Variants in MICAL3 observed in about 807,000 individuals in gnomAD.
The protein encoded by MICAL3 is [F-actin]-monooxygenase MICAL3.
Under a neutral mutation model 207.4 loss-of-function variants are expected in MICAL3, and 62 were observed. The ratio of observed to expected loss-of-function variants is 0.30; its 90% CI spans 0.24 to 0.37. The LOEUF is 0.37. MICAL3 is among the 10% of genes least tolerant of loss of function. MICAL3 has a pLI of 1.00. For synonymous variants in MICAL3, 1,077 were observed against 1,069.3 expected (o/e 1.01, Z -0.14); for missense variants, 2,368 against 2,635.6 (o/e 0.90, Z 2.22).
chr22:17,964,001 T>C (rs773756307), intron 1 of MICAL3, among the ~76,000 whole-genome samples: 20 of 152,228 alleles, frequency 1.3e-4, no homozygotes, highest in Non-Finnish European at 2.4e-4. Flanking sequence ...ACAACCATTA[T>C]TGGTTACCAA....
rs770235769 is a variant in MICAL3, at chr22:17,818,171, G to T, written c.4490C>A (p.Pro1497His). The T allele has an allele frequency of 1.3e-6, 2 of 1,592,308 alleles. No homozygotes were observed. Among genetic ancestry groups the T allele is most frequent in the Non-Finnish European group, 1.7e-6 (2 of 1,172,132 alleles). ...GGGGGGCTGAGCAGGCTCCCGGGGG[G>T]GCCGCATCCAGGTGGCGGGCAAGGG... The part of the protein sequence containing the change: ...PPPLPATWMR[P>H]PREPAQPPRE... Residue 1497 changes from proline (P) to histidine (H), a missense_variant, in exon 26 of 32, where the codon CCC becomes CAC. Pro to His is a moderately conservative substitution (Grantham distance 77, BLOSUM62 -2). Coordinates refer to ENST00000441493, the MANE Select transcript of MICAL3 (RefSeq NM_015241.3).
intron 1 of MICAL3, among the ~76,000 whole-genome samples, chr22:17,934,355 A>AC (rs199992870): frequency 0.027 from 4,164 of 152,260 alleles, 212 homozygotes; most frequent in African/African-American, 0.096. Context: ...AAAGACAAAA[A>AC]CCACAGGATT....
rs1932622757 is a variant in MICAL3, at chr22:17,917,724, C to T, written c.-74-10838G>A. 2.0e-5 allele frequency among the ~76,000 whole-genome samples: 3 copies of T among 152,322 alleles called. No individual in the cohort carries two copies. The South Asian group carries it at 6.2e-4, about 32-fold the overall frequency. On this transcript the variant is annotated intron_variant, in intron 1 of 31. Transcript: ENST00000441493. ...TCCTGCTCACCAAGGCCTCCCTGGGCGGGGCTGCCCTGGCCAGCCATGCAG... is the reference window on the plus strand; with the variant it reads ...TCCTGCTCACCAAGGCCTCCCTGGGTGGGGCTGCCCTGGCCAGCCATGCAG...
At chr22:17,861,795 A>G in intron 19 of MICAL3, 1 of 985,232 alleles carries the variant, frequency 1.0e-6, no homozygotes, top group Non-Finnish European at 1.2e-6. Context: ...TTACAAACAG[A>G]AATACTGTAA....
intron 15 of MICAL3, among the ~76,000 whole-genome samples, chr22:17,886,391 G>C (rs1340190226): frequency 6.6e-6 from 1 of 152,260 alleles, no homozygotes; most frequent in Non-Finnish European, 1.5e-5. Flanking sequence ...GAGAGGCCAG[G>C]CATGGTGGCT....
At chr22:17,994,707 G>A (rs1283612066) in intron 1 of MICAL3, among the ~76,000 whole-genome samples, 2 of 148,186 alleles carry the variant, frequency 1.3e-5, no homozygotes, top group East Asian at 4.1e-4. Flanking sequence ...GGGCCACAGA[G>A]TAAGACTCTG....
chr22:17,918,314 A>T (rs1932668608), intron 1 of MICAL3, among the ~76,000 whole-genome samples: 1 of 152,194 alleles, frequency 6.6e-6, no homozygotes, highest in Non-Finnish European at 1.5e-5. Context: ...AAGAGCTATC[A>T]ATATTTACTA....
chr22:17,866,604 A>AGAACG (rs2146146505), intron 17 of MICAL3, among the ~76,000 whole-genome samples: 1 of 141,362 alleles, frequency 7.1e-6, no homozygotes, highest in East Asian at 2.1e-4. Context: ...GGAACAGCAT[A>AGAACG]GAACAGAACA....
At chr22:17,877,163 GGAGGTT>G (rs1298586657) in intron 16 of MICAL3, among the ~76,000 whole-genome samples, 1 of 128,520 alleles carries the variant, frequency 7.8e-6, no homozygotes, top group Non-Finnish European at 1.7e-5. Context: ...GGGAGGTTAT[GGAGGTT>G]AGGGAGGTTA....
Position 17,817,739 on chromosome 22 carries a change from T to C in MICAL3, c.4922A>G (p.Gln1641Arg), listed in dbSNP as rs959247670. Reference sequence around the variant, plus strand: ...GGAGTCAGGCCGGCGCTCCTTGCCCTGGGAGGGTGCTGAGGACGCCTTGCG... The same window carrying C: ...GGAGTCAGGCCGGCGCTCCTTGCCCCGGGAGGGTGCTGAGGACGCCTTGCG... ...RPRKASSAPS[Q>R]GKERRPDSPT... The change falls in exon 26 of 32, where the codon CAG becomes CGG. Residue 1641 changes from glutamine (Q) to arginine (R), a missense_variant. Gln to Arg is a conservative substitution (Grantham distance 43, BLOSUM62 1). This residue lies in a region of MICAL3 where 1,770 missense variants were observed against 1,863.2 expected (regional missense o/e 0.95). Coordinates refer to ENST00000441493, the MANE Select transcript of MICAL3 (RefSeq NM_015241.3). The C allele has an allele frequency of 8.2e-6, 13 of 1,590,832 alleles. No homozygotes were observed. Among genetic ancestry groups the C allele is most frequent in the African/African-American group, 1.3e-5 (1 of 74,352 alleles).
At chr22:17,820,009 G>A (rs1462044962) in intron 25 of MICAL3, among the ~76,000 whole-genome samples, 1 of 147,824 alleles carries the variant, frequency 6.8e-6, no homozygotes, top group African/African-American at 2.5e-5. Context: ...GGCTCATGCT[G>A]TAATCCCAGC....
intron 20 of MICAL3, among the ~76,000 whole-genome samples, chr22:17,837,611 C>A (rs1923534886): frequency 6.6e-6 from 1 of 152,256 alleles, no homozygotes; most frequent in Non-Finnish European, 1.5e-5. Flanking sequence ...GAAAACAAAG[C>A]TGCTATTTCC....
intron 1 of MICAL3, among the ~76,000 whole-genome samples, chr22:17,938,667 CAG>C (rs1381394596): frequency 1.3e-5 from 2 of 152,132 alleles, no homozygotes; most frequent in Admixed American, 1.3e-4. Context: ...CTTTGATACC[CAG>C]AGTCTTAAAG....
intron 1 of MICAL3, among the ~76,000 whole-genome samples, chr22:17,953,142 C>T (rs1033327091): frequency 1.3e-5 from 2 of 152,174 alleles, no homozygotes; most frequent in East Asian, 3.8e-4. Context: ...TATCTTTCCT[C>T]GATCAGAGTG....
chr22:17,909,025 C>G (rs1164439098), intron 1 of MICAL3, among the ~76,000 whole-genome samples: 1 of 152,160 alleles, frequency 6.6e-6, no homozygotes, highest in Non-Finnish European at 1.5e-5. Context: ...TAAACCAAAC[C>G]AAATGAGATG....
At chr22:17,886,200 G>A (rs1039445146) in intron 15 of MICAL3, 149 bp from the exon 16 acceptor site, 1 of 806,868 alleles carries the variant, frequency 1.2e-6, no homozygotes, top group South Asian at 1.6e-5. Context: ...GAGACAGCAA[G>A]CCTGGAGGTA....
chr22:17,824,820 G>A lies in MICAL3; in HGVS notation c.3194-1760C>T, dbSNP rs1922004009. On this transcript the variant is annotated intron_variant, in intron 22 of 31. Transcript: ENST00000441493. Reference sequence around the variant, plus strand: ...CCTCGGTGTGAGAACACTGCTTTTGGCCACTCAAGGAAGACAGTTCATCAA... The same window carrying A: ...CCTCGGTGTGAGAACACTGCTTTTGACCACTCAAGGAAGACAGTTCATCAA... Among the ~76,000 whole-genome samples, 3 of 152,312 alleles carry A rather than the reference G, an allele frequency of 2.0e-5. No individual in the cohort carries two copies. The South Asian group carries it at 6.2e-4, about 32-fold the overall frequency.
Position 17,817,352 on chromosome 22 carries a change from A to C in MICAL3, c.5309T>G (p.Val1770Gly), listed in dbSNP as rs751793418. The stretch of plus-strand genomic sequence containing the variant: ...AAGCACCCTGTGCTTTCCAGAGTCC[A>C]CCGTGGCCCCGCTGGAGGGGGTGCT... ...CPSTPSSGAT[V>G]DSGKHRVLPV... Residue 1770 changes from valine to glycine, a missense_variant, in exon 26 of 32, where the codon GTG (valine) becomes GGG (glycine). Transcript: ENST00000441493. 8 of 1,609,906 alleles carry C rather than the reference A, an allele frequency of 5.0e-6. No individual in the cohort carries two copies. The East Asian group carries it at 1.8e-4, about 36-fold the overall frequency.
intron 1 of MICAL3, among the ~76,000 whole-genome samples, chr22:17,962,322 G>A (rs959687117): frequency 1.3e-5 from 2 of 152,224 alleles, no homozygotes; most frequent in Admixed American, 6.5e-5. Context: ...AGAGAGGGCC[G>A]CTCAGGGAGA....
Sources: allele counts gnomAD v4.1 joint callset (sites outside exome capture counted in the v4.1 genomes callset), GRCh38; gene constraint gnomAD v4.1.1; regional missense constraint gnomAD v4.1.1; transcripts MANE v1.5; gene names NCBI Gene and HGNC (gene_info 2026-07-23, HGNC 2026-07-21).